Variants in PHACTR1 observed in about 807,000 individuals in gnomAD.
PHACTR1 encodes the protein phosphatase and actin regulator 1.
Under a neutral mutation model 69.2 loss-of-function variants are expected in PHACTR1, and 16 were observed. The observed-to-expected ratio is 0.23, with a 90% CI of 0.16 to 0.35. PHACTR1 has a LOEUF of 0.35. Among genes scored for constraint, PHACTR1 ranks in the 10% least tolerant of loss-of-function variants. The pLI is 1.00. For missense variants in PHACTR1, 510 were observed against 734.7 expected (o/e 0.69, Z 3.54); for synonymous variants, 312 against 284.5 (o/e 1.10, Z -0.97).
intron 4 of PHACTR1, among the ~76,000 whole-genome samples, chr6:12,884,992 C>T (rs936305231): frequency 2.0e-5 from 3 of 152,182 alleles, no homozygotes; most frequent in Non-Finnish European, 2.9e-5. Flanking sequence ...TTATTGGAGT[C>T]GAGTCCTAGA....
chr6:12,966,309 G>A (rs142275444), intron 4 of PHACTR1, among the ~76,000 whole-genome samples: 5 of 152,274 alleles, frequency 3.3e-5, no homozygotes, highest in Admixed American at 1.3e-4. Context: ...GAATCCTCAC[G>A]ACCCTATAAG....
At chr6:13,041,000 AAAT>A in intron 4 of PHACTR1, among the ~76,000 whole-genome samples, 1 of 152,284 alleles carries the variant, frequency 6.6e-6, no homozygotes, top group East Asian at 1.9e-4. Context: ...AACTTAAGGA[AAAT>A]AATAATTTAA....
chr6:12,826,070 A>G (rs1435780871), intron 4 of PHACTR1, among the ~76,000 whole-genome samples: 1 of 152,216 alleles, frequency 6.6e-6, no homozygotes. Flanking sequence ...AAGGTTCTGT[A>G]ATGTAGAGAC....
chr6:12,909,199 C>T (rs1261857587), intron 4 of PHACTR1, among the ~76,000 whole-genome samples: 1 of 152,168 alleles, frequency 6.6e-6, no homozygotes, highest in Non-Finnish European at 1.5e-5. Context: ...CATTTCATGT[C>T]ATACTCTTGC....
intron 4 of PHACTR1, among the ~76,000 whole-genome samples, chr6:12,951,966 G>A (rs890965536): frequency 9.2e-5 from 14 of 152,102 alleles, no homozygotes; most frequent in East Asian, 5.8e-4. Context: ...ATGAATACTC[G>A]AGTAACTGAC....
intron 4 of PHACTR1, among the ~76,000 whole-genome samples, chr6:12,947,936 C>T (rs550344854): frequency 1.5e-4 from 23 of 152,092 alleles, no homozygotes; most frequent in Non-Finnish European, 2.5e-4. Flanking sequence ...GTTGAATGGA[C>T]GAATTAATAT....
At chr6:12,740,548 G>T (rs1348170136) in intron 3 of PHACTR1, among the ~76,000 whole-genome samples, 1 of 151,976 alleles carries the variant, frequency 6.6e-6, no homozygotes, top group Non-Finnish European at 1.5e-5. Flanking sequence ...TGTATTAAGT[G>T]TCTGTTCAAG....
At chr6:13,094,445 C>G (rs911764884) in intron 5 of PHACTR1, among the ~76,000 whole-genome samples, 3 of 152,142 alleles carry the variant, frequency 2.0e-5, no homozygotes, top group Admixed American at 2.0e-4. Flanking sequence ...CAGGTGCCTG[C>G]CACCATGCCT....
At chr6:12,894,554 G>A (rs1254961151) in intron 4 of PHACTR1, among the ~76,000 whole-genome samples, 2 of 152,198 alleles carry the variant, frequency 1.3e-5, no homozygotes, top group South Asian at 2.1e-4. Context: ...GCAGTGAGCC[G>A]AGGTCACGCC....
intron 4 of PHACTR1, among the ~76,000 whole-genome samples, chr6:13,002,222 A>C (rs889878580): frequency 4.6e-5 from 7 of 152,202 alleles, no homozygotes; most frequent in Non-Finnish European, 1.0e-4. Flanking sequence ...GTAAAGGCAA[A>C]AATGCCTGCT....
At chr6:12,886,563 G>A (rs1783663357) in intron 4 of PHACTR1, among the ~76,000 whole-genome samples, 1 of 152,198 alleles carries the variant, frequency 6.6e-6, no homozygotes, top group African/African-American at 2.4e-5. Context: ...CCAAGGACAT[G>A]CACCCAAAGG....
intron 7 of PHACTR1, among the ~76,000 whole-genome samples, chr6:13,204,398 G>A (rs796224984): frequency 6.6e-6 from 1 of 151,844 alleles, no homozygotes; most frequent in South Asian, 2.1e-4. Context: ...TGCCAGTGGG[G>A]CATTGAGACT....
Position 13,179,686 on chromosome 6 carries a change from A to T in PHACTR1, c.497-2833A>T, listed in dbSNP as rs556226984. Among the ~76,000 whole-genome samples, 172 of 143,694 alleles carry T rather than the reference A, an allele frequency of 1.2e-3. No homozygotes were observed. The highest frequency in any genetic ancestry group is 4.2e-3 in the African/African-American group (164 of 39,154). 94.3% of individuals were successfully genotyped at this position (143,694 alleles called of 152,430 possible). A position where few individuals can be genotyped will look rare whatever the true frequency, so the allele number is the denominator to read the frequency against. On this transcript the variant is annotated intron_variant, in intron 6 of 14. Transcript: ENST00000332995. This position sits in a 1 kb window ranked among gnomAD's most constrained non-coding sequence, Gnocchi z 4.2. ...GGAAGATAGGTAGGTAGGTAGGTAG[A>T]TAGATAAGTAGATAGAGATAGATAG... is the stretch of plus-strand genomic sequence containing the variant.
At chr6:12,956,647 G>A (rs1239388336) in intron 4 of PHACTR1, among the ~76,000 whole-genome samples, 1 of 152,092 alleles carries the variant, frequency 6.6e-6, no homozygotes. Context: ...GGGTTTATGA[G>A]GATCGAGGTC....
intron 4 of PHACTR1, among the ~76,000 whole-genome samples, chr6:12,943,438 G>T (rs563067659): frequency 2.0e-5 from 3 of 152,156 alleles, no homozygotes; most frequent in African/African-American, 7.2e-5. Flanking sequence ...ACGTAGTGTC[G>T]ATGGCTGCAC....
chr6:12,839,145 C>A (rs534302730), intron 4 of PHACTR1, among the ~76,000 whole-genome samples: 1 of 152,298 alleles, frequency 6.6e-6, no homozygotes, highest in South Asian at 2.1e-4. Flanking sequence ...GGATTCTAAC[C>A]ATAGAAAAGT....
At chr6:12,992,263 T>C (rs1206602934) in intron 4 of PHACTR1, among the ~76,000 whole-genome samples, 1 of 152,232 alleles carries the variant, frequency 6.6e-6, no homozygotes, top group Non-Finnish European at 1.5e-5. Flanking sequence ...ATTTTAAAAA[T>C]TGAAAATCTA....
At chr6:13,010,815 G>A (rs1302565890) in intron 4 of PHACTR1, among the ~76,000 whole-genome samples, 1 of 150,544 alleles carries the variant, frequency 6.6e-6, no homozygotes, top group African/African-American at 2.5e-5. Flanking sequence ...GATCAACTTG[G>A]TTAAAAAAAA....
chr6:13,064,592 ATATATATATATATCTATATATCTATC>A (rs1428496004), intron 5 of PHACTR1, among the ~76,000 whole-genome samples: 128 of 8,124 alleles, frequency 0.016, 11 homozygotes, highest in East Asian at 0.028. Context: ...ATATATATAT[ATATATATATATATCTATATATCTATC>A]TATCCACACT....
Sources: allele counts gnomAD v4.1 joint callset (sites outside exome capture counted in the v4.1 genomes callset), GRCh38; gene constraint gnomAD v4.1.1; non-coding constraint Gnocchi (gnomAD v3.1); transcripts MANE v1.5; gene names NCBI Gene and HGNC (gene_info 2026-07-23, HGNC 2026-07-21).